The following HDAC9 variants were observed in gnomAD, a reference collection of about 807,000 sequenced individuals.
The protein encoded by HDAC9 is histone deacetylase 9.
In HDAC9, 41 loss-of-function variants were observed where a neutral mutation model predicts 139.4. That is an observed-to-expected ratio of 0.29 (90% confidence interval 0.23 to 0.38). HDAC9 has a LOEUF of 0.38. Ranked by LOEUF, HDAC9 falls within the 10% of genes least tolerant of loss-of-function variation. The pLI, the probability that HDAC9 is intolerant of heterozygous loss-of-function variation, is 1.00. For missense variants in HDAC9, 1,147 were observed against 1,297.0 expected (o/e 0.88, Z 1.78); for synonymous variants, 517 against 476.2 (o/e 1.09, Z -1.12).
intron 17 of HDAC9, among the ~76,000 whole-genome samples, chr7:18,822,274 C>A (rs1423190798): frequency 6.6e-6 from 1 of 152,204 alleles, no homozygotes; most frequent in Non-Finnish European, 1.5e-5. Context: ...AGCCCCCAGT[C>A]ATCTCATTAA....
At chr7:18,308,621 A>G (rs1389183963) in intron 1 of HDAC9, among the ~76,000 whole-genome samples, 1 of 152,224 alleles carries the variant, frequency 6.6e-6, no homozygotes, top group Non-Finnish European at 1.5e-5. Flanking sequence ...ACCTGGAAAG[A>G]ATGTTCTATT....
At chr7:18,381,593 T>C (rs1420025829) in intron 1 of HDAC9, among the ~76,000 whole-genome samples, 2 of 152,118 alleles carry the variant, frequency 1.3e-5, no homozygotes, top group Non-Finnish European at 2.9e-5. Flanking sequence ...AGACAAATTT[T>C]AGGCCATTTT....
intron 13 of HDAC9, among the ~76,000 whole-genome samples, chr7:18,746,996 A>G (rs1788030424): frequency 6.6e-6 from 1 of 152,186 alleles, no homozygotes; most frequent in African/African-American, 2.4e-5. Context: ...GTGAAAAAAG[A>G]TTAGCCAAAT....
chr7:18,117,380 G>A (rs1322165737), intron 1 of HDAC9, among the ~76,000 whole-genome samples: 1 of 152,042 alleles, frequency 6.6e-6, no homozygotes, highest in Non-Finnish European at 1.5e-5. Flanking sequence ...CAGCTACTCG[G>A]GAGGCTGAGG....
At chr7:18,495,108 G>T (rs973575695), upstream of HDAC9, among the ~76,000 whole-genome samples, 8 of 152,046 alleles carry the variant, frequency 5.3e-5, no homozygotes, top group South Asian at 1.7e-3. Flanking sequence ...TTATTCTGGG[G>T]TGTGCTTGTT....
chr7:18,700,564 G>A (rs1001876707), intron 12 of HDAC9, among the ~76,000 whole-genome samples: 1 of 152,118 alleles, frequency 6.6e-6, no homozygotes, highest in Non-Finnish European at 1.5e-5. Context: ...GTATTGAGTT[G>A]GCAACCTTTT....
At chr7:18,852,054 G>A (rs1401862749) in intron 21 of HDAC9, among the ~76,000 whole-genome samples, 1 of 152,186 alleles carries the variant, frequency 6.6e-6, no homozygotes, top group South Asian at 2.1e-4. Context: ...GTGCAGAAAT[G>A]GTACACCTCT....
At chr7:18,882,565 T>C (rs1265597096) in intron 22 of HDAC9, among the ~76,000 whole-genome samples, 1 of 152,098 alleles carries the variant, frequency 6.6e-6, no homozygotes, top group Admixed American at 6.6e-5. Context: ...CAATAGCTAA[T>C]TTTGGTATTG....
chr7:18,482,671 A>T, intron 1 of HDAC9, among the ~76,000 whole-genome samples: 1 of 152,280 alleles, frequency 6.6e-6, no homozygotes. Flanking sequence ...GAAGCATCAC[A>T]CATTTTTAAG....
chr7:18,469,790 G>T (rs1299330152), intron 1 of HDAC9, among the ~76,000 whole-genome samples: 3 of 152,108 alleles, frequency 2.0e-5, no homozygotes, highest in Non-Finnish European at 2.9e-5. Flanking sequence ...GGGGAACTCA[G>T]ATCTTATAGG....
At chr7:18,132,065 T>C (rs1224562437) in intron 1 of HDAC9, among the ~76,000 whole-genome samples, 1 of 152,142 alleles carries the variant, frequency 6.6e-6, no homozygotes, top group Non-Finnish European at 1.5e-5. Context: ...TGTGTTCCAT[T>C]CTCTAACACC....
At chr7:18,856,307 G>A (rs1160269347) in intron 21 of HDAC9, among the ~76,000 whole-genome samples, 1 of 152,054 alleles carries the variant, frequency 6.6e-6, no homozygotes, top group Non-Finnish European at 1.5e-5. Flanking sequence ...TAGAAACCAT[G>A]AGTAACTGAT....
intron 1 of HDAC9, among the ~76,000 whole-genome samples, chr7:18,349,968 C>T (rs930815070): frequency 2.6e-5 from 4 of 152,036 alleles, no homozygotes; most frequent in Admixed American, 2.0e-4. Context: ...TGACAGAATA[C>T]TTCGTTTGTG....
intron 21 of HDAC9, among the ~76,000 whole-genome samples, chr7:18,848,129 T>C (rs1173125032): frequency 6.6e-6 from 1 of 152,100 alleles, no homozygotes; most frequent in Non-Finnish European, 1.5e-5. Context: ...TAAGGAACCA[T>C]ATTAGGAACC....
At chr7:18,618,726 GTATATATATATATATATATA>G (rs71014394) in intron 6 of HDAC9, among the ~76,000 whole-genome samples, 3,486 of 120,054 alleles carry the variant, frequency 0.029, 171 homozygotes, top group African/African-American at 0.094. Flanking sequence ...ACAGAATTTT[GTATATATATATATATATATA>G]TATATATATA....
intron 25 of HDAC9, among the ~76,000 whole-genome samples, chr7:18,982,637 G>GTGCCACTTCCCAGTCA (rs1785033133): frequency 6.6e-6 from 1 of 151,732 alleles, no homozygotes; most frequent in Non-Finnish European, 1.5e-5. Flanking sequence ...CTTCCCAGTC[G>GTGCCACTTCCCAGTCA]GTGCCACTCC....
rs373268384 is a variant in HDAC9, at chr7:18,402,375, A to G, written c.-41-93887A>G. On this transcript the variant is annotated intron_variant, in intron 1 of 3. Transcript: ENST00000413509. Reference sequence around the variant, plus strand: ...AGTAAATCTTAAAGACTGAGTAGGAATCTTTAAGCCAGAAAAGGAGGAGGT... The same window carrying G: ...AGTAAATCTTAAAGACTGAGTAGGAGTCTTTAAGCCAGAAAAGGAGGAGGT... Among the ~76,000 whole-genome samples, 3 of 152,318 alleles carry G rather than the reference A, an allele frequency of 2.0e-5. No homozygotes were observed. The South Asian group carries it at 6.2e-4, about 32-fold the overall frequency.
At chr7:18,393,155 C>A in intron 1 of HDAC9, among the ~76,000 whole-genome samples, 1 of 150,108 alleles carries the variant, frequency 6.7e-6, no homozygotes, top group East Asian at 2.0e-4. Flanking sequence ...CATAAATTGG[C>A]TCAAGATGAA....
chr7:18,830,630 G>A (rs1795793958), intron 19 of HDAC9, among the ~76,000 whole-genome samples: 3 of 152,122 alleles, frequency 2.0e-5, no homozygotes, highest in South Asian at 2.1e-4. Flanking sequence ...AAGTGAAAAC[G>A]AAGATAAAAG....
Sources: gnomAD v4.1 joint callset for allele counts (sites outside exome capture counted in the v4.1 genomes callset) on GRCh38, gnomAD v4.1.1 for gene constraint, MANE v1.5 for transcripts, NCBI Gene and HGNC (gene_info 2026-07-23, HGNC 2026-07-21) for gene names.